The following SOX6 variants were observed in gnomAD, a reference collection of about 807,000 sequenced individuals.
SOX6 encodes the protein transcription factor SOX-6.
In SOX6, 11 loss-of-function variants were observed where a neutral mutation model predicts 97.8. The ratio of observed to expected loss-of-function variants is 0.11; its 90% CI spans 0.07 to 0.19. SOX6 has a LOEUF of 0.19. SOX6 is among the 10% of genes least tolerant of loss of function. The probability of loss-of-function intolerance (pLI) is 1.00; values close to 1 mark genes in which losing one functional copy is unlikely to be tolerated. For missense variants in SOX6, 810 were observed against 1,039.5 expected (o/e 0.78, Z 3.04); for synonymous variants, 360 against 371.4 (o/e 0.97, Z 0.35).
chr11:16,638,264 C>T (rs1426216039), intron 3 of SOX6, among the ~76,000 whole-genome samples: 1 of 152,036 alleles, frequency 6.6e-6, no homozygotes, highest in Non-Finnish European at 1.5e-5. Context: ...CATAGTATTC[C>T]ATGGTGTATA....
chr11:16,038,840 A>G (rs1855582689), intron 12 of SOX6, among the ~76,000 whole-genome samples: 2 of 152,168 alleles, frequency 1.3e-5, no homozygotes, highest in Admixed American at 1.3e-4. Context: ...CTAAAAGATA[A>G]ATGAAAGATC....
At chr11:16,440,779 GAAGTAA>G (rs1469590864) in intron 1 of SOX6, among the ~76,000 whole-genome samples, 2 of 152,102 alleles carry the variant, frequency 1.3e-5, no homozygotes, top group African/African-American at 4.8e-5. Flanking sequence ...AAAAATGTAA[GAAGTAA>G]AACAGAAGAG....
intron 9 of SOX6, among the ~76,000 whole-genome samples, chr11:16,060,312 G>A (rs1286735829): frequency 6.6e-6 from 1 of 151,794 alleles, no homozygotes; most frequent in Non-Finnish European, 1.5e-5. Flanking sequence ...ACCTAAGGAA[G>A]GCAAGACCAC....
intron 3 of SOX6, among the ~76,000 whole-genome samples, chr11:16,271,670 T>C (rs796299849): frequency 1.1e-4 from 16 of 151,644 alleles, no homozygotes; most frequent in African/African-American, 3.6e-4. Flanking sequence ...GTGGGATCTT[T>C]TGATTTTTAT....
upstream of SOX6, among the ~76,000 whole-genome samples, chr11:16,359,315 T>C (rs950995817): frequency 1.3e-5 from 2 of 151,902 alleles, no homozygotes; most frequent in South Asian, 2.1e-4. Context: ...GAGTGCATGG[T>C]GGGAAGTAGC....
chr11:16,596,069 G>A (rs528448402), intron 4 of SOX6, among the ~76,000 whole-genome samples: 1 of 152,268 alleles, frequency 6.6e-6, no homozygotes, highest in African/African-American at 2.4e-5. Context: ...CTAAAGAGCT[G>A]CAACACATAA....
intron 1 of SOX6, among the ~76,000 whole-genome samples, chr11:16,436,747 G>T (rs986383893): frequency 1.3e-5 from 2 of 152,120 alleles, no homozygotes; most frequent in Non-Finnish European, 2.9e-5. Context: ...GTGAATAATT[G>T]TGCCTCTTGC....
chr11:16,470,035 G>A (rs1393768450), intron 1 of SOX6, among the ~76,000 whole-genome samples: 1 of 152,046 alleles, frequency 6.6e-6, no homozygotes, highest in African/African-American at 2.4e-5. Flanking sequence ...GTAGATTTCT[G>A]GCCACATTTC....
chr11:16,486,138 T>C (rs1251731094), intron 4 of SOX6, among the ~76,000 whole-genome samples: 1 of 152,160 alleles, frequency 6.6e-6, no homozygotes, highest in East Asian at 1.9e-4. Context: ...TGTGACTTAA[T>C]CCATGGTACA....
At chr11:16,148,671 T>C (rs551324764) in intron 6 of SOX6, among the ~76,000 whole-genome samples, 4 of 152,266 alleles carry the variant, frequency 2.6e-5, no homozygotes, top group East Asian at 3.9e-4. Context: ...GCCCCTCTAC[T>C]GCTGGCGCAC....
Position 16,486,631 on chromosome 11 carries a change from T to C in SOX6, n.610-10243A>G, listed in dbSNP as rs1469739008. On this transcript the variant is annotated intron_variant and non_coding_transcript_variant, in intron 4 of 5. Transcript: ENST00000524520. The stretch of plus-strand genomic sequence containing the variant: ...ATCCCAACACCTTGGGAGGCCAAGG[T>C]GGGCGAATCACTTGAGGTCAGAAGT... Among the ~76,000 whole-genome samples the C allele has an allele frequency of 1.3e-5, 2 of 152,016 alleles. 1 individual carries two copies. Among genetic ancestry groups the C allele is most frequent in the Middle Eastern group, 6.3e-3 (2 of 316 alleles).
At chr11:15,976,365 C>T (rs190166489) in intron 15 of SOX6, among the ~76,000 whole-genome samples, 78 of 152,206 alleles carry the variant, frequency 5.1e-4, no homozygotes, top group Admixed American at 1.4e-3. Flanking sequence ...TGCCTCTCCT[C>T]GTCTATAAAT....
intron 3 of SOX6, among the ~76,000 whole-genome samples, chr11:16,639,663 T>C (rs1488440641): frequency 1.3e-5 from 2 of 152,192 alleles, no homozygotes; most frequent in African/African-American, 4.8e-5. Context: ...AGGTATTTTA[T>C]TCTCTTTGAA....
chr11:16,197,346 A>G (rs1407302869), intron 4 of SOX6, among the ~76,000 whole-genome samples: 1 of 152,208 alleles, frequency 6.6e-6, no homozygotes, highest in Non-Finnish European at 1.5e-5. Context: ...AGGCGCTTAA[A>G]AAAACCTTCA....
At chr11:16,302,157 AT>A (rs1855277151) in intron 3 of SOX6, among the ~76,000 whole-genome samples, 1 of 152,130 alleles carries the variant, frequency 6.6e-6, no homozygotes, top group African/African-American at 2.4e-5. Flanking sequence ...ATTCCCCTGT[AT>A]TTGCCCTTGC....
chr11:16,404,235 T>C (rs576696631), intron 1 of SOX6, among the ~76,000 whole-genome samples: 1 of 152,030 alleles, frequency 6.6e-6, no homozygotes, highest in African/African-American at 2.4e-5. Flanking sequence ...ATAAGACCTC[T>C]TGCTTCATTC....
intron 4 of SOX6, among the ~76,000 whole-genome samples, chr11:16,198,560 T>C (rs745340844): frequency 6.6e-6 from 1 of 151,902 alleles, no homozygotes; most frequent in Non-Finnish European, 1.5e-5. Context: ...AAGGAAAAAA[T>C]ACGTTAAATT....
intron 1 of SOX6, among the ~76,000 whole-genome samples, chr11:16,434,768 T>G (rs1333027415): frequency 6.6e-6 from 1 of 152,280 alleles, no homozygotes; most frequent in African/African-American, 2.4e-5. Context: ...TTGTCTGAGA[T>G]GCCATATAAA....
intron 13 of SOX6, among the ~76,000 whole-genome samples, chr11:15,994,372 A>T (rs1048379264): frequency 4.6e-5 from 6 of 130,814 alleles, no homozygotes; most frequent in Non-Finnish European, 3.3e-5. Context: ...ACAGGGTTAT[A>T]AAAAAAAAAA....
Sources: gnomAD v4.1 joint callset for allele counts (sites outside exome capture counted in the v4.1 genomes callset) on GRCh38, gnomAD v4.1.1 for gene constraint, MANE v1.5 for transcripts, NCBI Gene and HGNC (gene_info 2026-07-23, HGNC 2026-07-21) for gene names.